The following ANO3 variants were observed in gnomAD, a reference collection of about 807,000 sequenced individuals.
ANO3 encodes anoctamin-3.
In ANO3, 99 loss-of-function variants were observed where a neutral mutation model predicts 144.8. That is an observed-to-expected ratio of 0.68 (90% confidence interval 0.58 to 0.81). The LOEUF is 0.81. Ranked by LOEUF, ANO3 falls within the 30% of genes least tolerant of loss-of-function variation. The pLI is 0.00. For missense variants in ANO3, 905 were observed against 1,202.2 expected (o/e 0.75, Z 3.66); for synonymous variants, 414 against 392.6 (o/e 1.05, Z -0.64).
At chr11:26,451,475 G>T (rs1056503531) in intron 3 of ANO3, among the ~76,000 whole-genome samples, 1 of 152,160 alleles carries the variant, frequency 6.6e-6, no homozygotes, top group Non-Finnish European at 1.5e-5. Flanking sequence ...ACGGAGTCTC[G>T]CTGATTGCTA....
chr11:26,427,477 CT>C (rs1857952217), intron 1 of ANO3: 1 of 152,142 alleles, frequency 6.6e-6, no homozygotes, highest in African/African-American at 2.4e-5. Context: ...AATGGAACCT[CT>C]TGCTTTTGCT....
chr11:26,520,459 C>A (rs956803557), intron 6 of ANO3, among the ~76,000 whole-genome samples: 3 of 151,700 alleles, frequency 2.0e-5, no homozygotes, highest in African/African-American at 7.3e-5. Context: ...TAATGTTTTT[C>A]AAAAAAATAT....
chr11:26,486,360 C>CAAAAAAAA (rs10681114), intron 4 of ANO3, among the ~76,000 whole-genome samples: 6 of 74,300 alleles, frequency 8.1e-5, no homozygotes, highest in Admixed American at 1.6e-4. Context: ...GACTCTGTCT[C>CAAAAAAAA]AAAAAAAAAA....
chr11:26,350,458 A>T (rs1296563447), intron 1 of ANO3, among the ~76,000 whole-genome samples: 1 of 152,182 alleles, frequency 6.6e-6, no homozygotes, highest in African/African-American at 2.4e-5. Flanking sequence ...AAGTTGAAAA[A>T]CTTTGAAATT....
At chr11:26,229,075 C>T (rs1852327552) in intron 1 of ANO3, among the ~76,000 whole-genome samples, 1 of 150,832 alleles carries the variant, frequency 6.6e-6, no homozygotes, top group Admixed American at 6.7e-5. Flanking sequence ...TCTTTTCAGG[C>T]CCTTACATCT....
chr11:26,267,546 C>T (rs1000718339), intron 1 of ANO3, among the ~76,000 whole-genome samples: 1 of 152,128 alleles, frequency 6.6e-6, no homozygotes, highest in African/African-American at 2.4e-5. Flanking sequence ...AATTCCTTTG[C>T]TCTTATTTTT....
intron 4 of ANO3, among the ~76,000 whole-genome samples, chr11:26,498,515 T>C (rs1341023996): frequency 6.6e-6 from 1 of 150,460 alleles, no homozygotes; most frequent in Non-Finnish European, 1.5e-5. Flanking sequence ...ATATTTGTTA[T>C]TATCAATGAT....
chr11:26,293,026 T>C (rs1853996014), intron 1 of ANO3, among the ~76,000 whole-genome samples: 1 of 152,212 alleles, frequency 6.6e-6, no homozygotes, highest in African/African-American at 2.4e-5. Context: ...AGACTGGAGC[T>C]GTTCCTATTC....
At chr11:26,565,877 T>C (rs1233654259) in intron 14 of ANO3, 3 of 1,577,976 alleles carry the variant, frequency 1.9e-6, no homozygotes, top group African/African-American at 2.8e-5. Flanking sequence ...TCTTTGGTAT[T>C]GGTTTTTTTT....
In ANO3 at chr11:26,443,859, C is replaced by G. The variant is rs533560412; in HGVS notation, c.313+23C>G. The G allele has an allele frequency of 4.6e-6, 7 of 1,531,168 alleles. No homozygotes were observed. In the Admixed American group the frequency reaches 1.0e-4, roughly 23 times the overall value. The allele number at this position is 1,531,168 out of a possible 1,614,324, so 94.8% of individuals were successfully genotyped here. Reference sequence around the variant, plus strand: ...TGGGTAAGTTGATAATCAGTATTTACCTACTCCTTTCCCTCTCTCCAAAGG... The same window carrying G: ...TGGGTAAGTTGATAATCAGTATTTAGCTACTCCTTTCCCTCTCTCCAAAGG... On this transcript the variant is annotated intron_variant, in intron 3 of 26. Transcript: ENST00000256737.
intron 21 of ANO3, among the ~76,000 whole-genome samples, 157 bp downstream of exon 21, chr11:26,639,398 T>C (rs1448418965): frequency 1.3e-5 from 2 of 152,202 alleles, no homozygotes; most frequent in Non-Finnish European, 2.9e-5. Flanking sequence ...ATGTGTAAAT[T>C]AAACCTTTCA....
intron 14 of ANO3, among the ~76,000 whole-genome samples, chr11:26,586,169 T>C (rs893022929): frequency 1.3e-5 from 2 of 152,160 alleles, no homozygotes; most frequent in African/African-American, 2.4e-5. Flanking sequence ...GTACTGATGA[T>C]GGGGTATTGT....
At chr11:26,191,484 A>G (rs943124258) in intron 1 of ANO3, among the ~76,000 whole-genome samples, 2 of 152,018 alleles carry the variant, frequency 1.3e-5, no homozygotes, top group African/African-American at 4.8e-5. Context: ...ATTTTTCATA[A>G]CAAACCTCCT....
In ANO3 at chr11:26,552,922, G is replaced by C. The variant is rs566220908; in HGVS notation, c.1290-327G>C. ...CTGCGAGTTTGGCTAAAACTCCATT[G>C]GTATACCGCACAAGATTATCCTGAG... is the stretch of plus-strand genomic sequence containing the variant. On this transcript the variant is annotated intron_variant, in intron 12 of 26. Coordinates refer to ENST00000256737, the MANE Select transcript of ANO3 (RefSeq NM_031418.4). Among the ~76,000 whole-genome samples, 4 of 147,722 alleles carry C rather than the reference G, an allele frequency of 2.7e-5. No homozygotes were observed. The East Asian group carries it at 8.0e-4, about 30-fold the overall frequency.
At chr11:26,301,005 C>T (rs1854220597) in intron 1 of ANO3, among the ~76,000 whole-genome samples, 1 of 149,106 alleles carries the variant, frequency 6.7e-6, no homozygotes, top group Non-Finnish European at 1.5e-5. Flanking sequence ...AGGTGCCCAC[C>T]ACCACTCCCA....
intron 1 of ANO3, among the ~76,000 whole-genome samples, chr11:26,386,853 T>C (rs183057103): frequency 2.8e-4 from 43 of 151,330 alleles, no homozygotes; most frequent in Admixed American, 1.3e-4. Context: ...ATTAGTAAAA[T>C]TTAAATCATG....
At chr11:26,194,231 C>T (rs1209650527) in intron 1 of ANO3, among the ~76,000 whole-genome samples, 1 of 152,084 alleles carries the variant, frequency 6.6e-6, no homozygotes, top group Admixed American at 6.6e-5. Flanking sequence ...CTATGTAGTA[C>T]AAACTGAGCT....
intron 4 of ANO3, among the ~76,000 whole-genome samples, chr11:26,486,668 G>A (rs138966466): frequency 2.7e-4 from 41 of 152,152 alleles, no homozygotes; most frequent in African/African-American, 7.2e-4. Flanking sequence ...TTAGTCCAGC[G>A]GAAACTACTG....
intron 1 of ANO3, among the ~76,000 whole-genome samples, chr11:26,388,781 G>T (rs1395090973): frequency 6.6e-6 from 1 of 152,068 alleles, no homozygotes; most frequent in Non-Finnish European, 1.5e-5. Context: ...GAGAATGGCA[G>T]CATCTATGGA....
Sources: gnomAD v4.1 joint callset for allele counts (sites outside exome capture counted in the v4.1 genomes callset) on GRCh38, gnomAD v4.1.1 for gene constraint, MANE v1.5 for transcripts, NCBI Gene and HGNC (gene_info 2026-07-23, HGNC 2026-07-21) for gene names.